Variants in MLXIP observed in about 807,000 individuals in gnomAD.
MLXIP encodes MLX interacting protein, also known as MLX-interacting protein.
Under a neutral mutation model 87.2 loss-of-function variants are expected in MLXIP, and 30 were observed. The ratio of observed to expected loss-of-function variants is 0.34; its 90% CI spans 0.26 to 0.47. The LOEUF (loss-of-function observed/expected upper bound fraction) is 0.47. Among genes scored for constraint, MLXIP ranks in the 20% least tolerant of loss-of-function variants. The pLI, the probability that MLXIP is intolerant of heterozygous loss-of-function variation, is 1.00. For missense variants in MLXIP, 1,002 were observed against 1,240.1 expected, an observed-to-expected ratio of 0.81 and a Z score of 2.88; for synonymous variants, 530 against 514.0, an observed-to-expected ratio of 1.03 and a Z score of -0.42.
At chr12:122,110,952 C>G (rs1036477741) in intron 1 of MLXIP, among the ~76,000 whole-genome samples, 1 of 151,696 alleles carries the variant, frequency 6.6e-6, no homozygotes, top group African/African-American at 2.4e-5. Context: ...TGGCGGGCGC[C>G]TGTAGTCCCA....
At chr12:122,140,047 GC>G (rs1953169784) in intron 15 of MLXIP, among the ~76,000 whole-genome samples, 1 of 152,200 alleles carries the variant, frequency 6.6e-6, no homozygotes, top group African/African-American at 2.4e-5. Context: ...TTTACTGCCT[GC>G]CCTGGTCCTG....
chr12:122,138,512 G>T lies in MLXIP; in HGVS notation c.2345G>T (p.Arg782Leu), dbSNP rs756776307. Reference protein sequence around the residue: ...ERGQMQEEARRLREEIEELNA... With the variant: ...ERGQMQEEARLLREEIEELNA... ...GGCCAGATGCAGGAGGAGGCCCGGC[G>T]GCTGCGGGAGGAGATCGAGGAGCTC... The change falls in exon 14 of 17, where the codon CGG (arginine) becomes CTG (leucine). Residue 782 changes from arginine (R) to leucine (L), a missense_variant. Coordinates refer to ENST00000319080, the MANE Select transcript of MLXIP (RefSeq NM_014938.6). The T allele has an allele frequency of 1.2e-6, 2 of 1,613,702 alleles. No homozygotes were observed. Among genetic ancestry groups the T allele is most frequent in the Non-Finnish European group, 1.7e-6 (2 of 1,179,828 alleles).
chr12:122,122,664 C>T (rs1366436098), intron 1 of MLXIP, among the ~76,000 whole-genome samples: 2 of 152,000 alleles, frequency 1.3e-5, no homozygotes, highest in Non-Finnish European at 2.9e-5. Context: ...GCCTCAGCCT[C>T]CCAAGTAGCT....
At chr12:122,079,974 G>A (rs1459812333) in intron 1 of MLXIP, among the ~76,000 whole-genome samples, 1 of 152,154 alleles carries the variant, frequency 6.6e-6, no homozygotes, top group Admixed American at 6.5e-5. Flanking sequence ...TTTTCTGGCC[G>A]GTCCTGAAAC....
chr12:122,138,921 A>G lies in MLXIP; in HGVS notation c.2491A>G (p.Asn831Asp). The G allele has an allele frequency of 1.9e-6, 3 of 1,614,036 alleles. No homozygotes were observed. Among genetic ancestry groups the G allele is most frequent in the Non-Finnish European group, 2.5e-6 (3 of 1,179,898 alleles). ...DEYVKTRTLQNWKFWIFSIII... is the reference protein window; with the variant it reads ...DEYVKTRTLQDWKFWIFSIII... ...ATACGTGAAAACCCGGACCTTGCAG[A>G]ATTGGAAGTTCTGGATTGTATCTTT... Residue 831 changes from asparagine to aspartate, a missense_variant, in exon 15 of 17, where the codon AAT becomes GAT. Transcript: ENST00000319080.
At chr12:122,091,434 A>C (rs991708471) in intron 1 of MLXIP, among the ~76,000 whole-genome samples, 3 of 152,208 alleles carry the variant, frequency 2.0e-5, no homozygotes, top group African/African-American at 7.2e-5. Context: ...GCAGTGGCTC[A>C]GGCCTGTAGT....
Position 122,135,556 on chromosome 12 carries a change from C to T in MLXIP, c.1922C>T (p.Pro641Leu), listed in dbSNP as rs1353520918. ...GATCTCGGCCATGGCACGAGCAGCC[C>T]GCCTGCCCCCGTCTCCCGGCTCTTC... ...VTDLGHGTSS[P>L]PAPVSRLFPS... The change falls in exon 11 of 17, where the codon CCG becomes CTG. Residue 641 changes from proline to leucine, a missense_variant. Around this residue, in one of 3 missense-constraint regions of MLXIP, gnomAD observed 746 missense variants for 897.0 expected, o/e 0.83. Coordinates refer to ENST00000319080, the MANE Select transcript of MLXIP (RefSeq NM_014938.6). This position sits in a 1 kb window ranked among gnomAD's most constrained non-coding sequence, Gnocchi z 5.3. The T allele has an allele frequency of 1.6e-5, 26 of 1,602,678 alleles. No homozygotes were observed. Among genetic ancestry groups the T allele is most frequent in the Middle Eastern group, 1.6e-4 (1 of 6,074 alleles).
intron 1 of MLXIP, among the ~76,000 whole-genome samples, chr12:122,111,528 T>G (rs572694295): frequency 1.9e-4 from 29 of 152,354 alleles, no homozygotes; most frequent in African/African-American, 6.5e-4. Context: ...ACAGTCATGC[T>G]TAGTACTGAA....
intron 1 of MLXIP, among the ~76,000 whole-genome samples, chr12:122,108,883 G>A (rs982755473): frequency 2.0e-5 from 3 of 152,074 alleles, no homozygotes; most frequent in African/African-American, 7.2e-5. Context: ...CTTCAAGCAG[G>A]GGTAAATGAA....
At chr12:122,109,963 T>C (rs898554870) in intron 1 of MLXIP, among the ~76,000 whole-genome samples, 2 of 152,198 alleles carry the variant, frequency 1.3e-5, no homozygotes, top group African/African-American at 4.8e-5. Flanking sequence ...CCAGCTATTC[T>C]TCCTTTTGCC....
chr12:122,094,095 G>T lies in MLXIP; in HGVS notation c.413+14829G>T, dbSNP rs1035227037. Among the ~76,000 whole-genome samples, 608 of 142,238 alleles carry T rather than the reference G, an allele frequency of 4.3e-3. 6 individuals carry two copies. The highest frequency in any genetic ancestry group is 0.015 in the African/African-American group (567 of 38,422). The allele number at this position is 142,238 out of a possible 152,430, so 93.3% of individuals were successfully genotyped here. ...CTGGTGTGGTGTGTTGGTGTGTGTG[G>T]TGGTGTGTGTGTGGTGTGTTGTGTG... On this transcript the variant is annotated intron_variant, in intron 1 of 16. Transcript: ENST00000319080.
In MLXIP at chr12:122,121,902, G is replaced by T. The variant is rs1258512837; in HGVS notation, c.414-5354G>T. Among the ~76,000 whole-genome samples, 3 of 152,206 alleles carry T rather than the reference G, an allele frequency of 2.0e-5. No homozygotes were observed. The East Asian group carries it at 5.8e-4, about 29-fold the overall frequency. On this transcript the variant is annotated intron_variant, in intron 1 of 16. Coordinates refer to ENST00000319080, the MANE Select transcript of MLXIP (RefSeq NM_014938.6). ...GGCAGCTGTGGCAGGGTGGTGTAAA[G>T]ATTGTTCTTCATGGAAAATTTAGCA...
chr12:122,080,596 CT>C (rs1336490977), intron 1 of MLXIP, among the ~76,000 whole-genome samples: 1 of 152,146 alleles, frequency 6.6e-6, no homozygotes, highest in Non-Finnish European at 1.5e-5. Context: ...GAAGGTTTCC[CT>C]GATGATCTGT....
intron 1 of MLXIP, among the ~76,000 whole-genome samples, chr12:122,119,541 G>A (rs1226247727): frequency 6.6e-6 from 1 of 152,104 alleles, no homozygotes; most frequent in Non-Finnish European, 1.5e-5. Context: ...ACAGGCACCT[G>A]CCACCACACC....
At position 122,133,903 on chromosome 12, in the gene MLXIP, A is replaced by G; in HGVS notation, c.1648A>G (p.Arg550Gly). 2 of 1,609,680 alleles carry G rather than the reference A, an allele frequency of 1.2e-6. No individual in the cohort carries two copies. The highest frequency in any genetic ancestry group is 1.7e-6 in the Non-Finnish European group (2 of 1,178,306). Residue 550 changes from arginine (R) to glycine (G), a missense_variant, in exon 9 of 17, where the codon AGG becomes GGG. Physicochemically the swap from Arg to Gly is moderately radical, Grantham distance 125. Around this residue, in one of 3 missense-constraint regions of MLXIP, gnomAD observed 746 missense variants for 897.0 expected, o/e 0.83. Coordinates refer to ENST00000319080, the MANE Select transcript of MLXIP (RefSeq NM_014938.6). The surrounding 1 kb of genome is among the most constrained non-coding windows in gnomAD (Gnocchi z 4.9). ...CAAACCTGTATCCTTGACTGGGGGC[A>G]GGCCTAAGCAGCCCCACAAAATAGT... is the stretch of plus-strand genomic sequence containing the variant. ...HPKPVSLTGG[R>G]PKQPHKIVPA... is the part of the protein sequence containing the mutation.
At chr12:122,129,721 A>G (rs542777953) in intron 5 of MLXIP, 92 bp downstream of exon 5, 1 of 1,497,218 alleles carries the variant, frequency 6.7e-7, no homozygotes, top group African/African-American at 1.4e-5. Flanking sequence ...AAAAGGCGGC[A>G]GGCCATGGGC....
intron 1 of MLXIP, among the ~76,000 whole-genome samples, chr12:122,093,461 A>C (rs1311381831): frequency 1.5e-5 from 2 of 131,242 alleles, no homozygotes; most frequent in African/African-American, 6.2e-5. Flanking sequence ...GGGTGTGTGT[A>C]TGTTTGCGGT....
Position 122,135,573 on chromosome 12 carries a change from C to T in MLXIP, c.1939C>T (p.Arg647Trp), listed in dbSNP as rs528358670. The change falls in exon 11 of 17, where the codon CGG (arginine) becomes TGG (tryptophan). Residue 647 changes from arginine to tryptophan, a missense_variant. Around this residue, in one of 3 missense-constraint regions of MLXIP, gnomAD observed 746 missense variants for 897.0 expected, o/e 0.83. Transcript: ENST00000319080. This position sits in a 1 kb window ranked among gnomAD's most constrained non-coding sequence, Gnocchi z 5.3. ...GAGCAGCCCGCCTGCCCCCGTCTCC[C>T]GGCTCTTCCCAAGCACAGCGCAAGA... Reference protein sequence around the residue: ...GTSSPPAPVSRLFPSTAQDPL... With the variant: ...GTSSPPAPVSWLFPSTAQDPL... 6.3e-6 allele frequency: 10 copies of T among 1,598,226 alleles called. No homozygotes were observed. The highest frequency in any genetic ancestry group is 3.4e-5 in the South Asian group (3 of 88,278).
chr12:122,109,214 G>T (rs1324216097), intron 1 of MLXIP, among the ~76,000 whole-genome samples: 1 of 151,846 alleles, frequency 6.6e-6, no homozygotes, highest in East Asian at 1.9e-4. Flanking sequence ...ATTACAAGGC[G>T]TGAGCCACCA....
Sources: gnomAD v4.1 joint callset for allele counts (sites outside exome capture counted in the v4.1 genomes callset) on GRCh38, gnomAD v4.1.1 for gene constraint, gnomAD v4.1.1 regional missense constraint, Gnocchi (gnomAD v3.1) non-coding constraint, MANE v1.5 for transcripts, NCBI Gene and HGNC (gene_info 2026-07-23, HGNC 2026-07-21) for gene names.